The following THEMIS variants were observed in gnomAD, a reference collection of about 807,000 sequenced individuals.
THEMIS encodes protein THEMIS.
A neutral mutation model predicts 52.6 loss-of-function variants in THEMIS; 37 were observed. The ratio of observed to expected loss-of-function variants is 0.70; its 90% CI spans 0.54 to 0.93. The LOEUF (loss-of-function observed/expected upper bound fraction) is 0.93. Among genes scored for constraint, THEMIS ranks in the 40% least tolerant of loss-of-function variants. THEMIS has a pLI of 0.00. For missense variants in THEMIS, 808 were observed against 763.1 expected (o/e 1.06, Z -0.69); for synonymous variants, 292 against 272.7 (o/e 1.07, Z -0.70).
intron 2 of THEMIS, among the ~76,000 whole-genome samples, chr6:127,833,360 T>G (rs1366335048): frequency 6.6e-6 from 1 of 152,188 alleles, no homozygotes; most frequent in African/African-American, 2.4e-5. Context: ...GTTTGAAAAC[T>G]TTTTCATATG....
chr6:127,804,970 T>G (rs1371173671), intron 4 of THEMIS, among the ~76,000 whole-genome samples: 1 of 152,198 alleles, frequency 6.6e-6, no homozygotes, highest in East Asian at 1.9e-4. Flanking sequence ...AAATATTTAT[T>G]CCTTTTATAT....
At chr6:127,823,275 T>C (rs968399637) in intron 3 of THEMIS, among the ~76,000 whole-genome samples, 2 of 152,148 alleles carry the variant, frequency 1.3e-5, no homozygotes, top group Non-Finnish European at 2.9e-5. Flanking sequence ...AGTATTTTCA[T>C]GGACACATTG....
chr6:127,798,991 C>CA (rs760389708), intron 4 of THEMIS, among the ~76,000 whole-genome samples: 13,335 of 70,668 alleles, frequency 0.19, 1,120 homozygotes, highest in African/African-American at 0.32. Flanking sequence ...GACTCCGTCT[C>CA]AAAAAAAAAA....
At chr6:127,848,352 CTT>C (rs1323753571) in intron 2 of THEMIS, among the ~76,000 whole-genome samples, 2 of 151,952 alleles carry the variant, frequency 1.3e-5, no homozygotes, top group Non-Finnish European at 2.9e-5. Flanking sequence ...GGTTCCAACT[CTT>C]TGCTCTTGTG....
At chr6:127,724,997 G>A (rs899202709) in intron 4 of THEMIS, among the ~76,000 whole-genome samples, 1 of 151,948 alleles carries the variant, frequency 6.6e-6, no homozygotes, top group Non-Finnish European at 1.5e-5. Context: ...AAATGGGCTT[G>A]TTTTTCTTTA....
At chr6:127,824,514 C>A (rs1778437943) in intron 3 of THEMIS, among the ~76,000 whole-genome samples, 1 of 151,882 alleles carries the variant, frequency 6.6e-6, no homozygotes, top group Admixed American at 6.6e-5. Flanking sequence ...TTTGTTTCAA[C>A]TGACCCCTGT....
downstream of THEMIS, among the ~76,000 whole-genome samples, chr6:127,704,437 G>A (rs1010881638): frequency 6.6e-6 from 1 of 152,166 alleles, no homozygotes; most frequent in Non-Finnish European, 1.5e-5. Context: ...AATAGATAAA[G>A]ATAGTGTATG....
At chr6:127,785,524 G>A (rs1480406714) in intron 4 of THEMIS, among the ~76,000 whole-genome samples, 1 of 149,324 alleles carries the variant, frequency 6.7e-6, no homozygotes, top group Non-Finnish European at 1.5e-5. Context: ...CATTTAACTA[G>A]AGAGTTCTGT....
chr6:127,767,085 T>G (rs952424799), intron 4 of THEMIS, among the ~76,000 whole-genome samples: 5 of 151,366 alleles, frequency 3.3e-5, no homozygotes, highest in Non-Finnish European at 7.4e-5. Flanking sequence ...TACAAAAATA[T>G]TTTCTTTTTT....
chr6:127,894,137 G>A (rs751502662), intron 1 of THEMIS, among the ~76,000 whole-genome samples: 7 of 152,104 alleles, frequency 4.6e-5, no homozygotes, highest in African/African-American at 1.7e-4. Flanking sequence ...TTAAGCATAT[G>A]AAAAATAAGC....
chr6:127,723,098 C>G (rs1460528794), intron 4 of THEMIS, among the ~76,000 whole-genome samples: 2 of 152,046 alleles, frequency 1.3e-5, no homozygotes, highest in Non-Finnish European at 2.9e-5. Flanking sequence ...AAATCTCCTT[C>G]TCCAAGACTG....
chr6:127,761,844 A>T (rs1424061019), intron 4 of THEMIS, among the ~76,000 whole-genome samples: 1 of 152,118 alleles, frequency 6.6e-6, no homozygotes, highest in Non-Finnish European at 1.5e-5. Context: ...AACAGTATGG[A>T]GACTCTCAAA....
chr6:127,913,134 G>A (rs1270326379), intron 1 of THEMIS, among the ~76,000 whole-genome samples: 1 of 152,094 alleles, frequency 6.6e-6, no homozygotes, highest in Non-Finnish European at 1.5e-5. Flanking sequence ...GGACCATTAC[G>A]ACATTGGACA....
At chr6:127,913,162 G>A (rs541877448) in intron 1 of THEMIS, among the ~76,000 whole-genome samples, 1 of 152,092 alleles carries the variant, frequency 6.6e-6, no homozygotes, top group Non-Finnish European at 1.5e-5. Flanking sequence ...CCTGGACATA[G>A]AGCAGAGCAT....
At chr6:127,837,251 A>C (rs1011091263) in intron 2 of THEMIS, among the ~76,000 whole-genome samples, 6 of 152,122 alleles carry the variant, frequency 3.9e-5, no homozygotes, top group Admixed American at 3.3e-4. Context: ...AAAAGCCAGA[A>C]GGAAGTTACC....
rs1455658432 is a variant in THEMIS at position 127,770,648 on chromosome 6, C to T, written c.1758+42235G>A. On this transcript the variant is annotated intron_variant, in intron 4 of 5. Transcript: ENST00000368248. ...ATTAGATCCCATTTGTCAATTTTGG[C>T]TTTTGTTGCCATTGCTTTTGGTGTT... Among the ~76,000 whole-genome samples the T allele has an allele frequency of 7.2e-5, 11 of 152,252 alleles. No homozygotes were observed. The East Asian group carries it at 2.1e-3, about 29-fold the overall frequency.
intron 4 of THEMIS, among the ~76,000 whole-genome samples, chr6:127,752,143 T>G (rs1775664762): frequency 6.6e-6 from 1 of 151,548 alleles, no homozygotes; most frequent in Admixed American, 6.6e-5. Context: ...ATATCCAAAC[T>G]TATAGGATGC....
chr6:127,841,990 A>C (rs950042880), intron 2 of THEMIS, among the ~76,000 whole-genome samples: 1 of 151,990 alleles, frequency 6.6e-6, no homozygotes, highest in Non-Finnish European at 1.5e-5. Flanking sequence ...CAGGAGCTCT[A>C]TTTAGGGCTG....
chr6:127,793,733 C>G (rs1174102126), intron 4 of THEMIS, among the ~76,000 whole-genome samples: 1 of 152,178 alleles, frequency 6.6e-6, no homozygotes, highest in Non-Finnish European at 1.5e-5. Flanking sequence ...TTATTCAACA[C>G]TTAACTGGCC....
Sources: allele counts gnomAD v4.1 joint callset (sites outside exome capture counted in the v4.1 genomes callset), GRCh38; gene constraint gnomAD v4.1.1; transcripts MANE v1.5; gene names NCBI Gene and HGNC (gene_info 2026-07-23, HGNC 2026-07-21).